NF1: variants seen among roughly 807,000 people sequenced by gnomAD.
The protein encoded by NF1 is neurofibromin 1.
NF1 carries 122 observed loss-of-function variants against 325.7 expected under a neutral mutation model. That is an observed-to-expected ratio of 0.37 (90% CI 0.32 to 0.44). The LOEUF is 0.44. NF1 is among the 20% of genes least tolerant of loss of function. The pLI is 1.00. For missense variants in NF1, 2,140 were observed against 3,415.4 expected (o/e 0.63, Z 9.31); for synonymous variants, 1,091 against 1,186.0 (o/e 0.92, Z 1.65).
intron 57 of NF1, 33 bp from the exon 58 acceptor site, chr17:31,373,980 G>T (rs2151601096): frequency 6.2e-7 from 1 of 1,613,678 alleles, no homozygotes; most frequent in East Asian, 2.2e-5. Context: ...GGAAGGAAAA[G>T]AAGAAGTAAC....
rs1450430406 is a variant in NF1 at position 31,229,954 on chromosome 17, A to G, written c.2970A>G (p.Thr990=). The change falls in exon 22 of 58, where the codon ACA becomes ACG. Residue 990 remains threonine (T), a synonymous_variant. Coordinates refer to ENST00000358273, the MANE Select transcript of NF1 (RefSeq NM_001042492.3). The stretch of plus-strand genomic sequence containing the variant: ...ATCTAGGGCAAGCTAGCATTGAAAC[A>G]ATGATGTTAAATCTGGTCAGGTAAG... ...SEHLGQASIE[T]MMLNLVRYVR... The G allele has an allele frequency of 6.2e-7, 1 of 1,611,810 alleles. No homozygotes were observed. Among genetic ancestry groups the G allele is most frequent in the Admixed American group, 1.7e-5 (1 of 60,002 alleles).
intron 36 of NF1, among the ~76,000 whole-genome samples, chr17:31,310,751 A>G: frequency 6.6e-6 from 1 of 152,064 alleles, no homozygotes; most frequent in East Asian, 1.9e-4. Context: ...CTGCTGCTCA[A>G]GCAAATTTGT....
At chr17:31,210,605 A>G (rs895390393) in intron 12 of NF1, among the ~76,000 whole-genome samples, 3 of 152,114 alleles carry the variant, frequency 2.0e-5, no homozygotes, top group African/African-American at 7.2e-5. Context: ...AAAACAAAAA[A>G]CAAAAAACCC....
chr17:31,237,656 CTTT>C (rs34107657), intron 29 of NF1, among the ~76,000 whole-genome samples: 2 of 126,096 alleles, frequency 1.6e-5, no homozygotes, highest in Non-Finnish European at 1.7e-5. Flanking sequence ...CTCATGTCTA[CTTT>C]TTTTTTTTTT....
intron 1 of NF1, among the ~76,000 whole-genome samples, chr17:31,108,627 T>A (rs1340947083): frequency 1.3e-5 from 2 of 152,204 alleles, no homozygotes; most frequent in African/African-American, 4.8e-5. Context: ...AATTTCTCCC[T>A]AGTCTTATTT....
At chr17:31,350,413 C>T (rs2070111172) in intron 50 of NF1, 95 bp downstream of exon 50, 2 of 1,080,498 alleles carry the variant, frequency 1.9e-6, no homozygotes, top group South Asian at 2.7e-5. Flanking sequence ...TAGAAGGTAA[C>T]ATGGGAGAAA....
chr17:31,172,087 A>G (rs182196035), intron 5 of NF1, among the ~76,000 whole-genome samples: 53 of 152,256 alleles, frequency 3.5e-4, no homozygotes, highest in Admixed American at 3.1e-3. Context: ...GGTGGCTCAC[A>G]CATGTAATCC....
rs1326795798 is a variant in NF1, at chr17:31,374,056, C to G, written c.8421C>G (p.His2807Gln). ...TTGAACTCTCCCCTACCACTGGCCA[C>G]TGTAACAGTGGACGAACTCGCCACG... ...ENVELSPTTG[H>Q]CNSGRTRHGS... The change falls in exon 58 of 58, where the codon CAC (histidine) becomes CAG (glutamine). Residue 2807 changes from histidine (H) to glutamine (Q), a missense_variant. Around this residue, in one of 10 missense-constraint regions of NF1, gnomAD observed 522 missense variants for 749.0 expected, o/e 0.70. Transcript: ENST00000358273. The G allele has an allele frequency of 6.2e-7, 1 of 1,614,120 alleles. No homozygotes were observed. The highest frequency in any genetic ancestry group is 8.5e-7 in the Non-Finnish European group (1 of 1,179,964).
chr17:31,124,518 G>GT lies in NF1; in HGVS notation c.60+29163dup, dbSNP rs533674111. On this transcript the variant is annotated intron_variant, in intron 1 of 57. Coordinates refer to ENST00000358273, the MANE Select transcript of NF1 (RefSeq NM_001042492.3). ...GAGGAACACTTAATTTGTTTTCAGGGTTTTTTTTTTTTTTGCTTGTGTTTT... is the reference window on the plus strand; with the variant it reads ...GAGGAACACTTAATTTGTTTTCAGGGTTTTTTTTTTTTTTTGCTTGTGTTTT... 5.8e-3 allele frequency among the ~76,000 whole-genome samples: 616 copies of GT among 106,616 alleles called. 3 individuals carry two copies. Among genetic ancestry groups the GT allele is most frequent in the East Asian group, 0.026 (94 of 3,616 alleles). 69.9% of individuals were successfully genotyped at this position (106,616 alleles called of 152,430 possible).
intron 22 of NF1, 122 bp downstream of exon 22, chr17:31,230,096 G>A (rs1436668872): frequency 1.4e-6 from 2 of 1,412,742 alleles, no homozygotes; most frequent in South Asian, 1.2e-5. Flanking sequence ...AAACTAGGGT[G>A]TGACAGTAAG....
At chr17:31,310,802 G>T (rs894936471) in intron 36 of NF1, among the ~76,000 whole-genome samples, 2 of 151,984 alleles carry the variant, frequency 1.3e-5, no homozygotes, top group Admixed American at 1.3e-4. Flanking sequence ...TTATAGGCTG[G>T]CACTTTGAGG....
intron 3 of NF1, among the ~76,000 whole-genome samples, chr17:31,161,862 C>A (rs1262185912): frequency 6.6e-6 from 1 of 151,290 alleles, no homozygotes; most frequent in Non-Finnish European, 1.5e-5. Flanking sequence ...ATGGCAAAAC[C>A]CCATATCTGC....
chr17:31,168,798 T>C (rs937946222), intron 4 of NF1, among the ~76,000 whole-genome samples: 8 of 152,324 alleles, frequency 5.3e-5, no homozygotes, highest in Middle Eastern at 3.4e-3. Flanking sequence ...CATAAATTTT[T>C]CCTAATGTTT....
intron 1 of NF1, chr17:31,128,434 A>C (rs545866425): frequency 5.2e-4 from 79 of 152,088 alleles, no homozygotes; most frequent in African/African-American, 1.7e-3. Flanking sequence ...TATGTACTTA[A>C]GTGTGTTTTT....
chr17:31,345,595 C>T, intron 48 of NF1: 1 of 1,591,208 alleles, frequency 6.3e-7, no homozygotes. Flanking sequence ...CAGAGGATCG[C>T]CCAGAACTTT....
intron 36 of NF1, chr17:31,307,979 GAT>G: frequency 1.6e-6 from 2 of 1,220,858 alleles, no homozygotes; most frequent in South Asian, 1.3e-5. Flanking sequence ...TAGAAGAAAA[GAT>G]ATGTGATTTT....
chr17:31,247,420 G>A (rs986708877), intron 29 of NF1, among the ~76,000 whole-genome samples: 27 of 152,144 alleles, frequency 1.8e-4, no homozygotes, highest in Non-Finnish European at 2.4e-4. Context: ...AGTTAGAAAT[G>A]TCAGACTGGA....
intron 11 of NF1, among the ~76,000 whole-genome samples, chr17:31,205,849 G>T (rs2066609561): frequency 6.6e-6 from 1 of 151,268 alleles, no homozygotes. Context: ...TTCTTACCTG[G>T]GAAAATATAT....
intron 29 of NF1, among the ~76,000 whole-genome samples, chr17:31,243,591 A>G (rs560197311): frequency 6.6e-6 from 1 of 151,014 alleles, no homozygotes; most frequent in East Asian, 2.0e-4. Flanking sequence ...CATGGCCGCC[A>G]TCGCCCCAGG....
Sources: allele counts gnomAD v4.1 joint callset (sites outside exome capture counted in the v4.1 genomes callset), GRCh38; gene constraint gnomAD v4.1.1; regional missense constraint gnomAD v4.1.1; transcripts MANE v1.5; gene names NCBI Gene and HGNC (gene_info 2026-07-23, HGNC 2026-07-21).